The following CTXN2 variants were observed in gnomAD, a reference collection of about 807,000 sequenced individuals.
CTXN2 encodes cortexin 2.
A neutral mutation model predicts 5.7 loss-of-function variants in CTXN2; 3 were observed. The observed-to-expected ratio is 0.53, with a 90% CI of 0.24 to 1.36. CTXN2 has a LOEUF of 1.36. CTXN2 is among the 40% of genes most tolerant of loss of function. CTXN2 has a pLI of 0.17. For missense variants in CTXN2, 87 were observed against 93.0 expected (o/e 0.94, Z 0.26); for synonymous variants, 38 against 36.4 (o/e 1.04, Z -0.16).
intron 1 of CTXN2, among the ~76,000 whole-genome samples, chr15:48,182,623 A>T (rs745747668): frequency 6.6e-6 from 1 of 152,204 alleles, no homozygotes; most frequent in Non-Finnish European, 1.5e-5. Context: ...GAATATATAT[A>T]TGTGTGTATA....
chr15:48,194,378 C>T (rs903494885), intron 1 of CTXN2, among the ~76,000 whole-genome samples: 6 of 152,076 alleles, frequency 3.9e-5, no homozygotes, highest in African/African-American at 1.4e-4. Context: ...TATTTTCTGT[C>T]AAGTTTATTT....
chr15:48,203,657 G>A lies in CTXN2; in HGVS notation c.*2111G>A, dbSNP rs372446347. 1 of 166,914 alleles carries A rather than the reference G, an allele frequency of 6.0e-6. No homozygotes were observed. The highest frequency in any genetic ancestry group is 1.9e-4 in the East Asian group (1 of 5,152). 10.3% of individuals were successfully genotyped at this position (166,914 alleles called of 1,614,324 possible). On this transcript the variant is annotated 3_prime_UTR_variant, in exon 2 of 2. Coordinates refer to ENST00000417307, the MANE Select transcript of CTXN2 (RefSeq NM_001145668.2). Reference sequence around the variant, plus strand: ...ACCAAGAAAACTTTATGAAATATGAGCATTGTTTCTGGAAGTTCAACTCCC... The same window carrying A: ...ACCAAGAAAACTTTATGAAATATGAACATTGTTTCTGGAAGTTCAACTCCC...
chr15:48,196,138 ATATCT>A (rs1342064550), intron 1 of CTXN2, among the ~76,000 whole-genome samples: 2 of 152,090 alleles, frequency 1.3e-5, no homozygotes, highest in Non-Finnish European at 1.5e-5. Flanking sequence ...CCACCACCTC[ATATCT>A]TTGGCTCAGG....
intron 1 of CTXN2, among the ~76,000 whole-genome samples, chr15:48,197,409 C>A (rs2040889906): frequency 6.6e-6 from 1 of 151,814 alleles, no homozygotes; most frequent in South Asian, 2.1e-4. Flanking sequence ...ACTATGAGTA[C>A]CTGGTATAAT....
At chr15:48,184,806 A>G (rs2040732422) in intron 1 of CTXN2, among the ~76,000 whole-genome samples, 1 of 152,206 alleles carries the variant, frequency 6.6e-6, no homozygotes, top group African/African-American at 2.4e-5. Context: ...ATTTGCTGAA[A>G]CAAATTGAAA....
rs1316933482 is a variant in CTXN2 at position 48,201,558 on chromosome 15, A to T, written c.*12A>T. On this transcript the variant is annotated 3_prime_UTR_variant, in exon 2 of 2. Coordinates refer to ENST00000417307, the MANE Select transcript of CTXN2 (RefSeq NM_001145668.2). ...ATGCACTCGCGTGAGAGTTCCAGCTATATGGTTTTTATGGTTGTGCCATCG... is the reference window on the plus strand; with the variant it reads ...ATGCACTCGCGTGAGAGTTCCAGCTTTATGGTTTTTATGGTTGTGCCATCG... The T allele has an allele frequency of 6.5e-7, 1 of 1,550,124 alleles. No individual in the cohort carries two copies. The highest frequency in any genetic ancestry group is 8.7e-7 in the Non-Finnish European group (1 of 1,146,006).
At chr15:48,198,665 T>C (rs2040901392) in intron 1 of CTXN2, among the ~76,000 whole-genome samples, 1 of 152,178 alleles carries the variant, frequency 6.6e-6, no homozygotes, top group African/African-American at 2.4e-5. Flanking sequence ...CTCTAAAAAA[T>C]GCCTCTTTTT....
Position 48,201,738 on chromosome 15 carries a change from C to T in CTXN2, c.*192C>T. 1.6e-6 allele frequency: 1 copy of T among 627,984 alleles called. No individual in the cohort carries two copies. 38.9% of individuals were successfully genotyped at this position (627,984 alleles called of 1,614,324 possible). A position where few individuals can be genotyped will look rare whatever the true frequency, so the allele number is the denominator to read the frequency against. ...GATTCCTCACTTTCCTCTGTTCCCA[C>T]TTAGAGGTTTCCAATGAATAGAGCA... On this transcript the variant is annotated 3_prime_UTR_variant, in exon 2 of 2. Transcript: ENST00000417307.
At chr15:48,187,761 T>G (rs2040772515), upstream of CTXN2, among the ~76,000 whole-genome samples, 1 of 152,188 alleles carries the variant, frequency 6.6e-6, no homozygotes, top group Non-Finnish European at 1.5e-5. Flanking sequence ...CTTTCTAAAT[T>G]CCTATAGTTA....
chr15:48,192,658 T>A (rs1049093433), intron 1 of CTXN2, among the ~76,000 whole-genome samples: 34 of 152,192 alleles, frequency 2.2e-4, no homozygotes, highest in African/African-American at 7.0e-4. Context: ...ATTATGAATG[T>A]CATCATTAGC....
At chr15:48,199,333 C>T (rs2040908829) in intron 1 of CTXN2, among the ~76,000 whole-genome samples, 1 of 152,116 alleles carries the variant, frequency 6.6e-6, no homozygotes, top group African/African-American at 2.4e-5. Flanking sequence ...TGTTGCTGGG[C>T]AATAAGTCCT....
chr15:48,191,889 C>G (rs1050763995), intron 1 of CTXN2, 36 bp downstream of exon 1: 2 of 452,308 alleles, frequency 4.4e-6, no homozygotes, highest in African/African-American at 2.0e-5. Flanking sequence ...ACTTTCTCCC[C>G]CTTCCCTCCG....
At chr15:48,180,711 C>A (rs1051773730) in intron 1 of CTXN2, among the ~76,000 whole-genome samples, 1 of 152,160 alleles carries the variant, frequency 6.6e-6, no homozygotes, top group African/African-American at 2.4e-5. Flanking sequence ...CAGGTTTCAC[C>A]GTGTTAGCCA....
chr15:48,199,835 A>G (rs1028026514), intron 1 of CTXN2, among the ~76,000 whole-genome samples: 7 of 152,192 alleles, frequency 4.6e-5, no homozygotes, highest in Non-Finnish European at 7.4e-5. Context: ...GACTTAGTGG[A>G]AAGAAACTCA....
upstream of CTXN2, chr15:48,190,885 T>G (rs553764412): frequency 6.6e-6 from 1 of 152,366 alleles, no homozygotes; most frequent in South Asian, 2.1e-4. Context: ...GCTTTCAACG[T>G]CGGTTAGGTT....
At chr15:48,180,023 C>T (rs978163673) in intron 1 of CTXN2, among the ~76,000 whole-genome samples, 1 of 152,160 alleles carries the variant, frequency 6.6e-6, no homozygotes, top group African/African-American at 2.4e-5. Context: ...AAAATGAGTA[C>T]AGCCCTGTTG....
intron 1 of CTXN2, among the ~76,000 whole-genome samples, chr15:48,197,114 A>C (rs979899881): frequency 6.6e-6 from 1 of 151,732 alleles, no homozygotes; most frequent in African/African-American, 2.4e-5. Flanking sequence ...ATAGCATTAA[A>C]CCATCTTGTA....
chr15:48,179,996 G>A (rs2040683748), intron 1 of CTXN2, among the ~76,000 whole-genome samples: 1 of 151,940 alleles, frequency 6.6e-6, no homozygotes. Context: ...CAGAGTAGTA[G>A]GTACATGAGG....
intron 1 of CTXN2, among the ~76,000 whole-genome samples, chr15:48,185,392 A>G (rs889127943): frequency 2.0e-5 from 3 of 152,118 alleles, no homozygotes; most frequent in African/African-American, 7.2e-5. Context: ...GGGATGGGAG[A>G]TATATGGGAA....
Sources: allele counts gnomAD v4.1 joint callset (sites outside exome capture counted in the v4.1 genomes callset), GRCh38; gene constraint gnomAD v4.1.1; transcripts MANE v1.5; gene names NCBI Gene and HGNC (gene_info 2026-07-23, HGNC 2026-07-21).